NGF: variants seen among roughly 807,000 people sequenced by gnomAD.
The protein encoded by NGF is beta-nerve growth factor.
NGF carries 4 observed loss-of-function variants against 12.8 expected under a neutral mutation model. The ratio of observed to expected loss-of-function variants is 0.31; its 90% confidence interval spans 0.15 to 0.72. The LOEUF is 0.72. Among genes scored for constraint, NGF ranks in the 30% least tolerant of loss-of-function variants. The probability of loss-of-function intolerance (pLI) is 0.69; values close to 1 mark genes in which losing one functional copy is unlikely to be tolerated. For missense variants in NGF, 283 were observed against 330.8 expected, an observed-to-expected ratio of 0.86 and a Z score of 1.12; for synonymous variants, 140 against 130.0, an observed-to-expected ratio of 1.08 and a Z score of -0.52.
chr1:115,320,229 C>A (rs752139474), intron 1 of NGF, among the ~76,000 whole-genome samples: 2 of 152,070 alleles, frequency 1.3e-5, no homozygotes, highest in African/African-American at 4.8e-5. Flanking sequence ...GTTCCAAGAC[C>A]CCCAGTGTAA....
intron 2 of NGF, among the ~76,000 whole-genome samples, chr1:115,292,500 T>C (rs370258445): frequency 2.6e-5 from 4 of 152,096 alleles, no homozygotes; most frequent in Admixed American, 6.5e-5. Context: ...CTGGGGACCA[T>C]ATTTTGAGAG....
chr1:115,319,968 T>C (rs1210205568), intron 1 of NGF, among the ~76,000 whole-genome samples: 1 of 152,144 alleles, frequency 6.6e-6, no homozygotes, highest in Non-Finnish European at 1.5e-5. Context: ...GAACAGGCTC[T>C]TTCTTAGCTG....
At position 115,337,261 on chromosome 1, in the gene NGF, G is replaced by GTTTTT. The variant is rs368973980; in HGVS notation, c.-137+938_-137+942dup. Among the ~76,000 whole-genome samples, 67 of 11,760 alleles carry GTTTTT rather than the reference G, an allele frequency of 5.7e-3. 3 individuals carry two copies. The highest frequency in any genetic ancestry group is 0.011 in the Non-Finnish European group (58 of 5,210). 7.7% of individuals were successfully genotyped at this position (11,760 alleles called of 152,430 possible). A position where few individuals can be genotyped will look rare whatever the true frequency, so the allele number is the denominator to read the frequency against. On this transcript the variant is annotated intron_variant, in intron 1 of 2. Transcript: ENST00000369512. ...AGAATCTCGAAATTTTTTTTGTTTT[G>GTTTTT]TTTTTGTTTTTTTTTTTTTTTTTTT...
chr1:115,333,702 TTTC>T (rs1557949276), intron 1 of NGF, among the ~76,000 whole-genome samples: 6 of 62,728 alleles, frequency 9.6e-5, no homozygotes, highest in African/African-American at 2.9e-4. Flanking sequence ...TCTTTCTTTC[TTTC>T]TTTCTTTCTT....
chr1:115,315,782 G>A (rs947633312), intron 1 of NGF, among the ~76,000 whole-genome samples: 2 of 152,108 alleles, frequency 1.3e-5, no homozygotes, highest in Admixed American at 6.6e-5. Flanking sequence ...TACGAAGAAC[G>A]AGCTCGCTGA....
At position 115,320,192 on chromosome 1, in the gene NGF, T is replaced by C. The variant is rs61342874; in HGVS notation, c.-137+18012A>G. On this transcript the variant is annotated intron_variant, in intron 1 of 2. Coordinates refer to ENST00000369512, the MANE Select transcript of NGF (RefSeq NM_002506.3). ...CAGCCTGAAAACAGGTGGAATACAA[T>C]AGTTGCTCTTTACCCACAGGGGATA... is the stretch of plus-strand genomic sequence containing the variant. Among the ~76,000 whole-genome samples the C allele has an allele frequency of 7.4e-4, 113 of 152,198 alleles. No homozygotes were observed. In the East Asian group the frequency reaches 0.017, roughly 23 times the overall value.
At chr1:115,287,644 T>C (rs1246662662) in intron 2 of NGF, among the ~76,000 whole-genome samples, 1 of 152,216 alleles carries the variant, frequency 6.6e-6, no homozygotes, top group East Asian at 1.9e-4. Context: ...AAATGAAAAC[T>C]GAACCAGAAA....
chr1:115,288,178 C>CGTAATT (rs1653574611), intron 2 of NGF, among the ~76,000 whole-genome samples: 1 of 152,086 alleles, frequency 6.6e-6, no homozygotes, highest in South Asian at 2.1e-4. Flanking sequence ...TTCAGAATAG[C>CGTAATT]GTAATTGTAT....
At chr1:115,291,254 A>G (rs527555438) in intron 2 of NGF, among the ~76,000 whole-genome samples, 1 of 152,340 alleles carries the variant, frequency 6.6e-6, no homozygotes. Flanking sequence ...CTCTCTTAAA[A>G]GTGATCAGTA....
intron 2 of NGF, among the ~76,000 whole-genome samples, chr1:115,288,136 C>A (rs962946292): frequency 1.3e-5 from 2 of 152,168 alleles, no homozygotes; most frequent in Admixed American, 6.5e-5. Context: ...TCAGATCACT[C>A]CAATCAAAAA....
intron 1 of NGF, among the ~76,000 whole-genome samples, chr1:115,304,474 A>G (rs916228226): frequency 1.3e-5 from 2 of 151,760 alleles, no homozygotes; most frequent in African/African-American, 4.8e-5. Flanking sequence ...GCGCCTGGCC[A>G]TATTTTTAAA....
intron 1 of NGF, among the ~76,000 whole-genome samples, chr1:115,327,863 TATAAA>T: frequency 6.6e-6 from 1 of 152,304 alleles, no homozygotes; most frequent in African/African-American, 2.4e-5. Context: ...TCTCTTCTGC[TATAAA>T]TATTATTTGA....
intron 1 of NGF, among the ~76,000 whole-genome samples, chr1:115,302,450 T>C (rs573093093): frequency 6.6e-6 from 1 of 152,292 alleles, no homozygotes; most frequent in East Asian, 1.9e-4. Flanking sequence ...CTGGTTATGT[T>C]GTGCAATCCA....
chr1:115,337,282 T>TG (rs1655151525), intron 1 of NGF, among the ~76,000 whole-genome samples: 2 of 124,616 alleles, frequency 1.6e-5, no homozygotes, highest in Admixed American at 7.8e-5. Flanking sequence ...TTTTTTTTTT[T>TG]TTTTTTTTTT....
intron 1 of NGF, among the ~76,000 whole-genome samples, chr1:115,303,443 A>G (rs562601737): frequency 6.6e-6 from 1 of 151,582 alleles, no homozygotes; most frequent in East Asian, 1.9e-4. Flanking sequence ...ACCTCCTCCA[A>G]CACCATCATC....
At chr1:115,325,638 A>G (rs1654752712) in intron 1 of NGF, among the ~76,000 whole-genome samples, 1 of 152,092 alleles carries the variant, frequency 6.6e-6, no homozygotes, top group African/African-American at 2.4e-5. Context: ...TGCAATTTAC[A>G]TTTTTAAAGG....
intron 1 of NGF, among the ~76,000 whole-genome samples, chr1:115,298,131 C>T (rs1653925602): frequency 6.6e-6 from 1 of 152,220 alleles, no homozygotes; most frequent in Admixed American, 6.5e-5. Context: ...GTCCCTGTCT[C>T]TCCTGCCTGA....
intron 1 of NGF, among the ~76,000 whole-genome samples, chr1:115,304,674 T>A (rs10776797): frequency 6.6e-6 from 1 of 151,942 alleles, no homozygotes; most frequent in Admixed American, 6.6e-5. Flanking sequence ...TTCTGACCTC[T>A]CCTCTCAGCC....
chr1:115,318,543 G>C (rs1408660494), intron 1 of NGF, among the ~76,000 whole-genome samples: 1 of 152,204 alleles, frequency 6.6e-6, no homozygotes, highest in Non-Finnish European at 1.5e-5. Flanking sequence ...CTGCAAAGCA[G>C]CCAAGGGCCA....
Sources: gnomAD v4.1 joint callset for allele counts (sites outside exome capture counted in the v4.1 genomes callset) on GRCh38, gnomAD v4.1.1 for gene constraint, MANE v1.5 for transcripts, NCBI Gene and HGNC (gene_info 2026-07-23, HGNC 2026-07-21) for gene names.